ADAMTS20: variants seen among roughly 807,000 people sequenced by gnomAD.
ADAMTS20 encodes ADAM metallopeptidase with thrombospondin type 1 motif 20, also known as A disintegrin and metalloproteinase with thrombospondin motifs 20.
Under a neutral mutation model 260.1 loss-of-function variants are expected in ADAMTS20, and 225 were observed. That is an observed-to-expected ratio of 0.87 (90% CI 0.78 to 0.97). The LOEUF (loss-of-function observed/expected upper bound fraction) is 0.97, where lower values mean the gene tolerates loss of function less well. ADAMTS20 is among the 50% of genes least tolerant of loss of function. The pLI, the probability that ADAMTS20 is intolerant of heterozygous loss-of-function variation, is 0.00. For synonymous variants in ADAMTS20, 802 were observed against 769.5 expected, an observed-to-expected ratio of 1.04 and a Z score of -0.70; for missense variants, 2,400 against 2,337.7, an observed-to-expected ratio of 1.03 and a Z score of -0.55.
In ADAMTS20 at chr12:43,430,143, T is replaced by TAA. The variant is rs11397756; in HGVS notation, c.3381+207_3381+208dup. Among the ~76,000 whole-genome samples the TAA allele has an allele frequency of 7.5e-4, 95 of 127,490 alleles. No homozygotes were observed. In the South Asian group the frequency reaches 0.01, roughly 14 times the overall value. The allele number at this position is 127,490 out of a possible 152,430, so 83.6% of individuals were successfully genotyped here. On this transcript the variant is annotated intron_variant, in intron 23 of 38. Transcript: ENST00000389420. Reference sequence around the variant, plus strand: ...GAGTGAGCCCTTAGCAGATAAAGAGTAAAAAAAAAAAAAAAATTCATTGAT... The same window carrying TAA: ...GAGTGAGCCCTTAGCAGATAAAGAGTAAAAAAAAAAAAAAAAAATTCATTGAT...
intron 37 of ADAMTS20, among the ~76,000 whole-genome samples, chr12:43,362,309 G>C (rs569937039): frequency 1.3e-5 from 2 of 152,184 alleles, no homozygotes; most frequent in African/African-American, 4.8e-5. Flanking sequence ...AACTTCAGGA[G>C]AGGAGGGACT....
At chr12:43,492,208 G>T (rs973517621) in intron 6 of ADAMTS20, among the ~76,000 whole-genome samples, 1 of 151,712 alleles carries the variant, frequency 6.6e-6, no homozygotes, top group Non-Finnish European at 1.5e-5. Context: ...GTGAAACCCC[G>T]TCTCTACTAA....
chr12:43,405,269 A>G lies in ADAMTS20; in HGVS notation c.4285-6036T>C, dbSNP rs1940893953. 2.2e-5 allele frequency among the ~76,000 whole-genome samples: 3 copies of G among 137,582 alleles called. No individual in the cohort carries two copies. The South Asian group carries it at 7.3e-4, about 33-fold the overall frequency. 90.3% of individuals were successfully genotyped at this position (137,582 alleles called of 152,430 possible). A position where few individuals can be genotyped will look rare whatever the true frequency, so the allele number is the denominator to read the frequency against. On this transcript the variant is annotated intron_variant, in intron 28 of 38. Coordinates refer to ENST00000389420, the MANE Select transcript of ADAMTS20 (RefSeq NM_025003.5). ...AAAAAAAAAAAAAAAAAAATTAGCC[A>G]GGCATGGTGATGGTGATGCACATCT... is the stretch of plus-strand genomic sequence containing the variant.
chr12:43,476,996 A>T (rs1397648530), intron 7 of ADAMTS20, among the ~76,000 whole-genome samples: 2 of 142,708 alleles, frequency 1.4e-5, no homozygotes, highest in African/African-American at 5.0e-5. Context: ...AAAGTATAAA[A>T]AAAAAAAAAA....
intron 36 of ADAMTS20, among the ~76,000 whole-genome samples, chr12:43,371,845 T>C (rs1319231968): frequency 6.6e-6 from 1 of 152,192 alleles, no homozygotes; most frequent in Non-Finnish European, 1.5e-5. Flanking sequence ...CATAACAGCA[T>C]GCACATTGAA....
At position 43,428,520 on chromosome 12, in the gene ADAMTS20, G is replaced by A. The variant is rs2137301293; in HGVS notation, c.3666C>T (p.Ser1222=). The A allele has an allele frequency of 6.2e-7, 1 of 1,613,116 alleles. No homozygotes were observed. Among genetic ancestry groups the A allele is most frequent in the Non-Finnish European group, 8.5e-7 (1 of 1,179,382 alleles). The change falls in exon 26 of 39, where the codon TCC becomes TCT. Residue 1222 remains serine (S), a synonymous_variant. Coordinates refer to ENST00000389420, the MANE Select transcript of ADAMTS20 (RefSeq NM_025003.5). ...GTCGAGTTGTTTTTCCATGGCCACA[G>A]GAAGCTGAACACTGATCAAAAATTT... The part of the protein sequence containing the change: ...QAGDWSPCSA[S]CGHGKTTRQV...
At chr12:43,363,889 G>A (rs367914756) in intron 37 of ADAMTS20, among the ~76,000 whole-genome samples, 1 of 152,120 alleles carries the variant, frequency 6.6e-6, no homozygotes, top group African/African-American at 2.4e-5. Flanking sequence ...CTATTTAATT[G>A]GATCAGATTA....
At position 43,377,382 on chromosome 12, in the gene ADAMTS20, C is replaced by T; in HGVS notation, c.4978G>A (p.Val1660Ile). The T allele has an allele frequency of 1.2e-6, 2 of 1,611,954 alleles. No homozygotes were observed. Among genetic ancestry groups the T allele is most frequent in the Non-Finnish European group, 1.7e-6 (2 of 1,178,764 alleles). Residue 1660 changes from valine to isoleucine, a missense_variant, in exon 32 of 39, where the codon GTT becomes ATT. Physicochemically the swap from Val to Ile is conservative, Grantham distance 29. Transcript: ENST00000389420. ...NSCLHLATWK[V>I]GKWSKCSVTC... is the part of the protein sequence containing the mutation. The stretch of plus-strand genomic sequence containing the variant: ...ACACCGACCTTGCTCCATTTTCCAA[C>T]TTTCCAAGTGGCCAAATGCAAACAG...
In ADAMTS20 at chr12:43,455,711, C is replaced by CT. The variant is rs35614063; in HGVS notation, c.1615-1660dup. Among the ~76,000 whole-genome samples the CT allele has an allele frequency of 2.4e-3, 339 of 143,412 alleles. 2 individuals carry two copies. Among genetic ancestry groups the CT allele is most frequent in the African/African-American group, 5.8e-3 (228 of 39,250 alleles). The allele number at this position is 143,412 out of a possible 152,430, so 94.1% of individuals were successfully genotyped here. On this transcript the variant is annotated intron_variant, in intron 11 of 38. Transcript: ENST00000389420. ...TCAATGGACACTGGGTTGCTTTCAT[C>CT]TTTTTTTTTTTTTTTGAGATGGAGT...
Position 43,429,669 on chromosome 12 carries a change from G to T in ADAMTS20, c.3437C>A (p.Pro1146Gln). 6.2e-7 allele frequency: 1 copy of T among 1,600,102 alleles called. No individual in the cohort carries two copies. The highest frequency in any genetic ancestry group is 8.5e-7 in the Non-Finnish European group (1 of 1,172,450). The change falls in exon 24 of 39, where the codon CCA becomes CAA. Residue 1146 changes from proline to glutamine, a missense_variant. Coordinates refer to ENST00000389420, the MANE Select transcript of ADAMTS20 (RefSeq NM_025003.5). Reference protein sequence around the residue: ...FISKLETALLPTVLIKKMAQW... With the variant: ...FISKLETALLQTVLIKKMAQW... ...TGCCATCTTTTTTATGAGAACAGTT[G>T]GTAATAAAGCGGTCTCAAGTTTAGA...
intron 14 of ADAMTS20, 22 bp downstream of exon 14, chr12:43,452,252 T>G: frequency 6.4e-7 from 1 of 1,573,432 alleles, no homozygotes; most frequent in South Asian, 1.2e-5. Flanking sequence ...TTAAATCTAA[T>G]AGAAACTTAT....
chr12:43,398,260 AT>A (rs2137250610), intron 29 of ADAMTS20, among the ~76,000 whole-genome samples: 1 of 152,196 alleles, frequency 6.6e-6, no homozygotes, highest in South Asian at 2.1e-4. Context: ...TCCTGTCAAT[AT>A]TTCCCAAGCT....
At chr12:43,451,672 T>C (rs1941866118) in intron 14 of ADAMTS20, among the ~76,000 whole-genome samples, 1 of 152,086 alleles carries the variant, frequency 6.6e-6, no homozygotes. Context: ...TTTCAATATC[T>C]CCATGCTACC....
At chr12:43,461,490 ATC>A (rs1942064434) in intron 11 of ADAMTS20, among the ~76,000 whole-genome samples, 1 of 152,184 alleles carries the variant, frequency 6.6e-6, no homozygotes, top group Non-Finnish European at 1.5e-5. Context: ...TAAATAGTAT[ATC>A]TCTTAATATT....
rs141957944 is a variant in ADAMTS20 at position 43,529,950 on chromosome 12, G to A, written c.613+2086C>T. Among the ~76,000 whole-genome samples the A allele has an allele frequency of 4.7e-4, 71 of 152,046 alleles. 2 individuals are homozygous for A. The highest frequency in any genetic ancestry group is 1.6e-3 in the African/African-American group (66 of 41,476). On this transcript the variant is annotated intron_variant, in intron 3 of 38. Coordinates refer to ENST00000389420, the MANE Select transcript of ADAMTS20 (RefSeq NM_025003.5). The stretch of plus-strand genomic sequence containing the variant: ...ATGAGTATTTGTTAGCTAATTTTTA[G>A]GTCATTAATTAATTGCCTTTATTAG...
intron 29 of ADAMTS20, among the ~76,000 whole-genome samples, chr12:43,385,048 A>G (rs1006306074): frequency 6.6e-6 from 1 of 152,162 alleles, no homozygotes; most frequent in Non-Finnish European, 1.5e-5. Flanking sequence ...TTCCACAATG[A>G]TTGAACTAAT....
At chr12:43,415,359 TA>T (rs915146501) in intron 28 of ADAMTS20, among the ~76,000 whole-genome samples, 4 of 150,450 alleles carry the variant, frequency 2.7e-5, no homozygotes, top group Non-Finnish European at 4.4e-5. Flanking sequence ...AAAGTTTGCT[TA>T]AAAAAAAAGC....
At chr12:43,394,373 C>A (rs944751038) in intron 29 of ADAMTS20, among the ~76,000 whole-genome samples, 3 of 152,014 alleles carry the variant, frequency 2.0e-5, no homozygotes, top group African/African-American at 7.2e-5. Flanking sequence ...GGCACCACTT[C>A]AAATATCTGA....
intron 3 of ADAMTS20, among the ~76,000 whole-genome samples, chr12:43,529,508 T>A (rs953882316): frequency 1.1e-4 from 17 of 152,154 alleles, no homozygotes; most frequent in African/African-American, 3.9e-4. Context: ...TGCAGCAAGT[T>A]GGATGGAGCT....
Sources: gnomAD v4.1 joint callset for allele counts (sites outside exome capture counted in the v4.1 genomes callset) on GRCh38, gnomAD v4.1.1 for gene constraint, MANE v1.5 for transcripts, NCBI Gene and HGNC (gene_info 2026-07-23, HGNC 2026-07-21) for gene names.